ZNF469: variants seen among roughly 807,000 people sequenced by gnomAD.
The protein encoded by ZNF469 is zinc finger protein 469.
Under a neutral mutation model 1.0 loss-of-function variants are expected in ZNF469, and 1 was observed. That is an observed-to-expected ratio of 1.00 (90% CI 0.35 to 4.73). ZNF469 has a LOEUF of 4.73. ZNF469 is among the 30% of genes most tolerant of loss of function. ZNF469 has a pLI of 0.16. For synonymous variants in ZNF469, 2,703 were observed against 2,363.4 expected (o/e 1.14, Z -4.17); for missense variants, 6,100 against 5,356.3 (o/e 1.14, Z -4.33).
At chr16:88,269,082 C>T in the ZNF469 span, among the ~76,000 whole-genome samples, 1 of 152,214 alleles carries the variant, frequency 6.6e-6, no homozygotes, top group Non-Finnish European at 1.5e-5. Context: ...GGTCCCTCTG[C>T]TCAGCCCTCC....
the ZNF469 span, chr16:88,193,472 G>C: frequency 1.3e-5 from 2 of 152,278 alleles, no homozygotes; most frequent in Non-Finnish European, 2.9e-5. Flanking sequence ...GCTGAGGCTG[G>C]AGGATCACTT....
chr16:88,190,656 C>G, the ZNF469 span, among the ~76,000 whole-genome samples: 1 of 152,198 alleles, frequency 6.6e-6, no homozygotes. Context: ...TTAGAAGCAT[C>G]TCTGTTGCAT....
At chr16:88,326,070 C>T in the ZNF469 span, among the ~76,000 whole-genome samples, 1 of 152,236 alleles carries the variant, frequency 6.6e-6, no homozygotes, top group South Asian at 2.1e-4. Flanking sequence ...CCAGAGGCCC[C>T]AGCAATGGGC....
the ZNF469 span, among the ~76,000 whole-genome samples, chr16:88,174,092 C>G: frequency 2.0e-5 from 3 of 151,916 alleles, no homozygotes; most frequent in African/African-American, 7.3e-5. Context: ...GTATATGTTG[C>G]CTACAAGAAA....
At position 88,392,660 on chromosome 16, in the gene ZNF469, T is replaced by G. The variant is rs963123183; in HGVS notation, c.-192+9406T>G. Among the ~76,000 whole-genome samples, 6 of 152,216 alleles carry G rather than the reference T, an allele frequency of 3.9e-5. 1 individual carries two copies. The highest frequency in any genetic ancestry group is 4.1e-4 in the South Asian group (2 of 4,834). ...TTGTAAAGCCTCATCTCTTTGTCCC[T>G]AGATGCTATGTTTCAGGCACCTGGA... On this transcript the variant is annotated intron_variant, in intron 1 of 2. Transcript: ENST00000565624.
At chr16:88,107,297 G>A in the ZNF469 span, among the ~76,000 whole-genome samples, 3 of 152,226 alleles carry the variant, frequency 2.0e-5, no homozygotes, top group African/African-American at 7.2e-5. Context: ...CATGGCTGGG[G>A]AGGCCTCAGG....
chr16:88,133,331 G>A, the ZNF469 span, among the ~76,000 whole-genome samples: 3 of 152,162 alleles, frequency 2.0e-5, no homozygotes, highest in Non-Finnish European at 2.9e-5. Context: ...TTGGCAGCTC[G>A]AGAACGTCTT....
the ZNF469 span, among the ~76,000 whole-genome samples, chr16:88,180,397 C>T: frequency 1.3e-4 from 20 of 151,934 alleles, no homozygotes; most frequent in African/African-American, 3.4e-4. Flanking sequence ...AAAGCTGGGG[C>T]GGAGATGTTA....
chr16:88,437,245 G>A lies in ZNF469; in HGVS notation c.9775G>A (p.Glu3259Lys), dbSNP rs1416038987. ...AGSPGDPWGQ[E>K]GEAKKDSPGE... ...GAGCCCGGGAGACCCGTGGGGGCAA[G>A]AGGGAGAAGCCAAGAAAGACAGCCC... Residue 3259 changes from glutamate (E) to lysine (K), a missense_variant, in exon 3 of 3, where the codon GAG (glutamate) becomes AAG (lysine). By Grantham distance (56) the Glu-to-Lys change is moderately conservative. Transcript: ENST00000565624. 35 of 1,549,136 alleles carry A rather than the reference G, an allele frequency of 2.3e-5. No homozygotes were observed. In the East Asian group the frequency reaches 5.4e-4, roughly 24 times the overall value.
chr16:88,259,072 C>G, the ZNF469 span, among the ~76,000 whole-genome samples: 1 of 152,234 alleles, frequency 6.6e-6, no homozygotes, highest in East Asian at 1.9e-4. The surrounding 1 kb of genome is among the most constrained non-coding windows in gnomAD (Gnocchi z 4.1). Flanking sequence ...TTCAAAGGAC[C>G]AGAGAATGGT....
At chr16:88,258,949 G>A in the ZNF469 span, among the ~76,000 whole-genome samples, 1 of 152,208 alleles carries the variant, frequency 6.6e-6, no homozygotes, top group Non-Finnish European at 1.5e-5. Flanking sequence ...TCCGTGGGGT[G>A]GTAGAGATTT....
the ZNF469 span, among the ~76,000 whole-genome samples, chr16:88,242,274 C>G: frequency 6.6e-6 from 1 of 152,240 alleles, no homozygotes; most frequent in East Asian, 1.9e-4. Flanking sequence ...GCAGCTTCTT[C>G]TCTAAATGCA....
the ZNF469 span, among the ~76,000 whole-genome samples, chr16:88,124,565 G>T: frequency 0.042 from 5,950 of 141,940 alleles, 397 homozygotes; most frequent in African/African-American, 0.14. Flanking sequence ...TGGAATAATA[G>T]AAGTGTTTTC....
the ZNF469 span, among the ~76,000 whole-genome samples, chr16:88,237,150 C>T: frequency 6.8e-5 from 7 of 103,322 alleles, no homozygotes; most frequent in East Asian, 3.1e-4. Flanking sequence ...GCTCCTGCCA[C>T]GGACCCTCCC....
chr16:88,252,131 A>G, the ZNF469 span, among the ~76,000 whole-genome samples: 9 of 139,052 alleles, frequency 6.5e-5, no homozygotes, highest in Non-Finnish European at 8.2e-5. Flanking sequence ...ACTCATTTAA[A>G]AAGGCAGCAG....
chr16:88,272,125 G>T, the ZNF469 span, among the ~76,000 whole-genome samples: 5 of 151,356 alleles, frequency 3.3e-5, no homozygotes, highest in South Asian at 1.1e-3. Flanking sequence ...ATGAATTTTG[G>T]GTAAATGGGT....
the ZNF469 span, among the ~76,000 whole-genome samples, chr16:88,109,824 G>A: frequency 6.6e-6 from 1 of 152,212 alleles, no homozygotes; most frequent in Admixed American, 6.5e-5. Context: ...ATCAGGAGGT[G>A]CTGAGCGTCT....
In ZNF469 at chr16:88,431,340, C is replaced by T. The variant is rs574020033; in HGVS notation, c.3870C>T (p.His1290=). 5 of 1,549,544 alleles carry T rather than the reference C, an allele frequency of 3.2e-6. No homozygotes were observed. The African/African-American group carries it at 4.1e-5, about 13-fold the overall frequency. Residue 1290 remains histidine, a synonymous_variant, in exon 3 of 3, where the codon CAC becomes CAT. Coordinates refer to ENST00000565624, the MANE Select transcript of ZNF469 (RefSeq NM_001367624.2). ...GAAGCCTCGCCAACACGGCGCCCCA[C>T]GGAAGCTCGCCAACGCCAGGTGTGG... ...PSGSLANTAP[H]GSSPTPGVGS...
chr16:88,277,202 A>T, the ZNF469 span, among the ~76,000 whole-genome samples: 2 of 149,880 alleles, frequency 1.3e-5, no homozygotes, highest in Non-Finnish European at 3.0e-5. Flanking sequence ...CCGTGTAGAT[A>T]TCAGTGCACG....
Sources: gnomAD v4.1 joint callset for allele counts (sites outside exome capture counted in the v4.1 genomes callset) on GRCh38, gnomAD v4.1.1 for gene constraint, Gnocchi (gnomAD v3.1) non-coding constraint, MANE v1.5 for transcripts, NCBI Gene and HGNC (gene_info 2026-07-23, HGNC 2026-07-21) for gene names.